Variants in FDFT1 observed in about 807,000 individuals in gnomAD.
FDFT1 encodes the protein farnesyl-diphosphate farnesyltransferase 1, also known as squalene synthase.
In FDFT1, 68 loss-of-function variants were observed where a neutral mutation model predicts 46.8. That is an observed-to-expected ratio of 1.45 (90% CI 1.19 to 1.78). The LOEUF (loss-of-function observed/expected upper bound fraction) is 1.78. FDFT1 is among the 40% of genes most tolerant of loss of function. The probability of loss-of-function intolerance (pLI) is 0.00; values close to 1 mark genes in which losing one functional copy is unlikely to be tolerated. For missense variants in FDFT1, 928 were observed against 524.4 expected, an observed-to-expected ratio of 1.77 and a Z score of -7.52; for synonymous variants, 351 against 185.1, an observed-to-expected ratio of 1.90 and a Z score of -7.28.
chr8:11,827,216 T>G (rs1391717650), intron 5 of FDFT1, among the ~76,000 whole-genome samples: 1 of 152,040 alleles, frequency 6.6e-6, no homozygotes, highest in Non-Finnish European at 1.5e-5. Context: ...TGTCTCATAC[T>G]TATAATCCCA....
chr8:11,801,053 G>A (rs186063666), upstream of FDFT1, among the ~76,000 whole-genome samples: 43 of 152,318 alleles, frequency 2.8e-4, no homozygotes, highest in African/African-American at 9.4e-4. Flanking sequence ...TGGTGGAAAT[G>A]TGAGAGAGGG....
intron 7 of FDFT1, among the ~76,000 whole-genome samples, chr8:11,832,567 A>AAAAAAAAAAAAAAAAAAAG (rs1563341472): frequency 6.7e-6 from 1 of 149,048 alleles, no homozygotes; most frequent in Non-Finnish European, 1.5e-5. Context: ...AAAAAAAAAA[A>AAAAAAAAAAAAAAAAAAAG]AAAAAAAAAG....
At chr8:11,810,156 G>A (rs535295561) in intron 3 of FDFT1, among the ~76,000 whole-genome samples, 1 of 152,154 alleles carries the variant, frequency 6.6e-6, no homozygotes. Flanking sequence ...AAGAATTAAC[G>A]TAGGTAATGC....
At chr8:11,833,761 G>C (rs955338844) in intron 7 of FDFT1, among the ~76,000 whole-genome samples, 1 of 152,184 alleles carries the variant, frequency 6.6e-6, no homozygotes, top group Non-Finnish European at 1.5e-5. Context: ...GCGATGACTT[G>C]TAAAGCTGAA....
At chr8:11,821,685 G>T in intron 3 of FDFT1, 65 bp from the exon 4 acceptor site, 1 of 1,568,506 alleles carries the variant, frequency 6.4e-7, no homozygotes, top group Non-Finnish European at 8.8e-7. Context: ...TGTTTGCCTT[G>T]TGATCTTTGG....
chr8:11,813,630 C>T (rs1433945344), intron 3 of FDFT1, among the ~76,000 whole-genome samples: 1 of 152,164 alleles, frequency 6.6e-6, no homozygotes, highest in African/African-American at 2.4e-5. Flanking sequence ...GGTTTCTAAT[C>T]AGAGGAATTT....
At chr8:11,823,215 C>G (rs1482014034) in intron 4 of FDFT1, among the ~76,000 whole-genome samples, 1 of 152,120 alleles carries the variant, frequency 6.6e-6, no homozygotes, top group Non-Finnish European at 1.5e-5. Context: ...TCTGGCCTCT[C>G]AAATGTTGGG....
upstream of FDFT1, among the ~76,000 whole-genome samples, chr8:11,800,566 G>A (rs1806015372): frequency 6.6e-6 from 1 of 152,194 alleles, no homozygotes; most frequent in Admixed American, 6.5e-5. Flanking sequence ...GTGGAATGGT[G>A]ACAAAGGTTG....
chr8:11,804,332 C>T (rs957827488), intron 1 of FDFT1, among the ~76,000 whole-genome samples: 1 of 152,100 alleles, frequency 6.6e-6, no homozygotes, highest in Non-Finnish European at 1.5e-5. Flanking sequence ...GCATTGGTTT[C>T]CTGTTGGGAG....
intron 3 of FDFT1, among the ~76,000 whole-genome samples, chr8:11,820,439 A>G (rs924147034): frequency 6.6e-6 from 1 of 152,082 alleles, no homozygotes; most frequent in Admixed American, 6.5e-5. Flanking sequence ...TTGTTTAGAT[A>G]TGCCCTGCCC....
chr8:11,836,864 T>TTG (rs1811610791), intron 7 of FDFT1, among the ~76,000 whole-genome samples: 1 of 152,238 alleles, frequency 6.6e-6, no homozygotes, highest in Non-Finnish European at 1.5e-5. Context: ...TGGTAAAACC[T>TTG]TGTCTCTATT....
At chr8:11,801,339 G>C (rs555122727), upstream of FDFT1, among the ~76,000 whole-genome samples, 1 of 152,314 alleles carries the variant, frequency 6.6e-6, no homozygotes, top group South Asian at 2.1e-4. Context: ...TTGTTTTTGA[G>C]ATGAAGTCTC....
chr8:11,825,216 C>G (rs1459662678), intron 4 of FDFT1, among the ~76,000 whole-genome samples: 1 of 152,048 alleles, frequency 6.6e-6, no homozygotes, highest in Non-Finnish European at 1.5e-5. Flanking sequence ...TCATCGTTGC[C>G]TTCTCTCATA....
At chr8:11,833,850 T>A (rs1417064620) in intron 7 of FDFT1, among the ~76,000 whole-genome samples, 1 of 152,246 alleles carries the variant, frequency 6.6e-6, no homozygotes, top group Non-Finnish European at 1.5e-5. Flanking sequence ...CCAGTAAAAC[T>A]CAAGGCATTA....
chr8:11,813,210 A>G (rs1452486969), intron 3 of FDFT1, among the ~76,000 whole-genome samples: 1 of 152,240 alleles, frequency 6.6e-6, no homozygotes, highest in Non-Finnish European at 1.5e-5. Context: ...AAACATCATT[A>G]TACAGTACAT....
intron 3 of FDFT1, among the ~76,000 whole-genome samples, chr8:11,817,994 A>T (rs1416045040): frequency 6.6e-6 from 1 of 152,142 alleles, no homozygotes; most frequent in African/African-American, 2.4e-5. Flanking sequence ...TCTTGTGAGC[A>T]TTTAGTGCTA....
chr8:11,823,520 C>G (rs527551247), intron 4 of FDFT1, among the ~76,000 whole-genome samples: 120 of 152,274 alleles, frequency 7.9e-4, no homozygotes, highest in African/African-American at 2.8e-3. Context: ...GCTTTCTCTT[C>G]ACCTGTGCAT....
intron 3 of FDFT1, among the ~76,000 whole-genome samples, chr8:11,819,801 A>G (rs980257520): frequency 6.6e-6 from 1 of 152,030 alleles, no homozygotes; most frequent in African/African-American, 2.4e-5. Flanking sequence ...GTGCTGCTTT[A>G]GCTTGGAGAA....
chr8:11,819,255 A>G (rs1415833693), intron 3 of FDFT1, among the ~76,000 whole-genome samples: 1 of 152,146 alleles, frequency 6.6e-6, no homozygotes, highest in African/African-American at 2.4e-5. Flanking sequence ...GGGTAACCCG[A>G]CCTTTCTCTC....
Sources: gnomAD v4.1 joint callset for allele counts (sites outside exome capture counted in the v4.1 genomes callset) on GRCh38, gnomAD v4.1.1 for gene constraint, MANE v1.5 for transcripts, NCBI Gene and HGNC (gene_info 2026-07-23, HGNC 2026-07-21) for gene names.